The following MAP3K4 variants were observed in gnomAD, a reference collection of about 807,000 sequenced individuals.
The protein encoded by MAP3K4 is MAP three kinase 1.
A neutral mutation model predicts 185.6 loss-of-function variants in MAP3K4; 67 were observed. The observed-to-expected ratio is 0.36, with a 90% CI of 0.30 to 0.44. The LOEUF (loss-of-function observed/expected upper bound fraction) is 0.44. Ranked by LOEUF, MAP3K4 falls within the 20% of genes least tolerant of loss-of-function variation. The pLI is 1.00. For missense variants in MAP3K4, 1,551 were observed against 1,995.1 expected, an observed-to-expected ratio of 0.78 and a Z score of 4.24; for synonymous variants, 702 against 710.4, an observed-to-expected ratio of 0.99 and a Z score of 0.19.
intron 6 of MAP3K4, 74 bp downstream of exon 6, chr6:161,081,112 C>T (rs1562526545): frequency 4.0e-6 from 6 of 1,484,716 alleles, no homozygotes; most frequent in East Asian, 2.3e-5. Context: ...CTGATTCTCT[C>T]CTATGTGTTT....
chr6:161,053,333 A>T lies in MAP3K4; in HGVS notation c.1707+3354A>T, dbSNP rs909993852. ...CACCTCCCACCAGGCCCCACCCCCA[A>T]CATTGGGGATTACTATTCAACATAG... On this transcript the variant is annotated intron_variant, in intron 3 of 26. Transcript: ENST00000392142. The surrounding 1 kb of genome is among the most constrained non-coding windows in gnomAD (Gnocchi z 4.2). 1.3e-5 allele frequency among the ~76,000 whole-genome samples: 2 copies of T among 152,208 alleles called. No individual in the cohort carries two copies. Among genetic ancestry groups the T allele is most frequent in the Non-Finnish European group, 2.9e-5 (2 of 68,034 alleles).
chr6:161,027,259 CAA>C (rs1156872357), intron 1 of MAP3K4, among the ~76,000 whole-genome samples: 5 of 152,178 alleles, frequency 3.3e-5, no homozygotes, highest in African/African-American at 1.2e-4. Flanking sequence ...ATATACTTAA[CAA>C]GAGTTTCTGG....
chr6:161,072,414 A>T (rs1303530167), intron 4 of MAP3K4, among the ~76,000 whole-genome samples: 1 of 152,194 alleles, frequency 6.6e-6, no homozygotes, highest in Non-Finnish European at 1.5e-5. Context: ...CTTCCTACAC[A>T]TACAAGTAAG....
Position 161,093,901 on chromosome 6 carries a change from G to T in MAP3K4, c.3427+50G>T, listed in dbSNP as rs373350058. On this transcript the variant is annotated intron_variant, in intron 15 of 26. Coordinates refer to ENST00000392142, the MANE Select transcript of MAP3K4 (RefSeq NM_005922.4). This position sits in a 1 kb window ranked among gnomAD's most constrained non-coding sequence, Gnocchi z 5.2. ...CTTCTGGAACATAATGATTTGAGTG[G>T]ACAGATCCTCTTGTAATTGCAGTCG... 75 of 1,337,462 alleles carry T rather than the reference G, an allele frequency of 5.6e-5. No individual in the cohort carries two copies. Among genetic ancestry groups the T allele is most frequent in the Non-Finnish European group, 7.9e-5 (74 of 937,366 alleles). 82.8% of individuals were successfully genotyped at this position (1,337,462 alleles called of 1,614,324 possible).
chr6:161,012,325 A>G (rs949646884), intron 1 of MAP3K4, among the ~76,000 whole-genome samples: 1 of 152,040 alleles, frequency 6.6e-6, no homozygotes, highest in Non-Finnish European at 1.5e-5. Flanking sequence ...TTTCTTTTGG[A>G]ATCATTTCAA....
At position 161,100,293 on chromosome 6, in the gene MAP3K4, G is replaced by A. The variant is rs1252241563; in HGVS notation, c.3675-1599G>A. Among the ~76,000 whole-genome samples, 2 of 152,216 alleles carry A rather than the reference G, an allele frequency of 1.3e-5. No individual in the cohort carries two copies. Among genetic ancestry groups the A allele is most frequent in the African/African-American group, 4.8e-5 (2 of 41,454 alleles). On this transcript the variant is annotated intron_variant, in intron 17 of 26. Transcript: ENST00000392142. This position sits in a 1 kb window ranked among gnomAD's most constrained non-coding sequence, Gnocchi z 5.8. ...GGGTTTGTGAATGTGCCACGGGGAG[G>A]CAGAATGACACCAGTGTGTGCATCC...
intron 1 of MAP3K4, among the ~76,000 whole-genome samples, chr6:161,020,349 G>A (rs1333232836): frequency 6.6e-6 from 1 of 152,126 alleles, no homozygotes; most frequent in East Asian, 1.9e-4. Context: ...CTGCCCACAT[G>A]TGTGCACTTT....
chr6:161,013,189 C>T (rs1191159437), intron 1 of MAP3K4, among the ~76,000 whole-genome samples: 1 of 152,166 alleles, frequency 6.6e-6, no homozygotes, highest in African/African-American at 2.4e-5. Flanking sequence ...AAACTGTTTG[C>T]TAATTTCCTA....
chr6:161,005,017 C>T (rs956816742), intron 1 of MAP3K4, among the ~76,000 whole-genome samples: 6 of 152,172 alleles, frequency 3.9e-5, no homozygotes, highest in Admixed American at 3.9e-4. Context: ...TTATTTAAAA[C>T]CACCAAACTT....
intron 2 of MAP3K4, among the ~76,000 whole-genome samples, chr6:161,047,542 T>G (rs1006049010): frequency 1.3e-5 from 2 of 152,186 alleles, no homozygotes; most frequent in South Asian, 4.1e-4. Context: ...AAATAAACTA[T>G]GCCTTGAGTG....
In MAP3K4 at chr6:160,996,998, A is replaced by T. The variant is rs576288496; in HGVS notation, c.152+4915A>T. Reference sequence around the variant, plus strand: ...ACTCTTAGGTTTTTATTTTCTAGGCATCACACAGGCTGCTTTTTTCCCTTG... The same window carrying T: ...ACTCTTAGGTTTTTATTTTCTAGGCTTCACACAGGCTGCTTTTTTCCCTTG... On this transcript the variant is annotated intron_variant, in intron 1 of 26. Transcript: ENST00000392142. This position sits in a 1 kb window ranked among gnomAD's most constrained non-coding sequence, Gnocchi z 4.5. Among the ~76,000 whole-genome samples the T allele has an allele frequency of 1.3e-5, 2 of 152,188 alleles. No individual in the cohort carries two copies. Among genetic ancestry groups the T allele is most frequent in the African/African-American group, 4.8e-5 (2 of 41,444 alleles).
chr6:161,089,238 C>T (rs1785901250), intron 10 of MAP3K4, 84 bp from the exon 11 acceptor site: 20 of 1,428,278 alleles, frequency 1.4e-5, no homozygotes, highest in Non-Finnish European at 1.7e-5. Flanking sequence ...CTGAGATTGG[C>T]ATTGTTTTTG....
chr6:161,049,016 A>G lies in MAP3K4; in HGVS notation c.744A>G (p.Gly248=). 1 of 1,614,138 alleles carries G rather than the reference A, an allele frequency of 6.2e-7. No homozygotes were observed. The highest frequency in any genetic ancestry group is 8.5e-7 in the Non-Finnish European group (1 of 1,180,008). The change falls in exon 3 of 27, where the codon GGA becomes GGG. Residue 248 remains glycine (G), a synonymous_variant. Transcript: ENST00000392142. The surrounding 1 kb of genome is among the most constrained non-coding windows in gnomAD (Gnocchi z 8.4). ...VSKKKDREQR[G]QENTSGFWLN... is the part of the protein sequence containing the mutation. ...AGAAAAAAGACAGGGAGCAAAGAGG[A>G]CAAGAAAATACGTCTGGTTTCTGGC...
rs200069407 is a variant in MAP3K4, at chr6:161,048,585, A to G, written c.344-31A>G. 615 of 1,402,156 alleles carry G rather than the reference A, an allele frequency of 4.4e-4. 3 individuals carry two copies. In the African/African-American group the frequency reaches 7.7e-3, roughly 18 times the overall value. The allele number at this position is 1,402,156 out of a possible 1,614,324, so 86.9% of individuals were successfully genotyped here. ...GAGTAGCTTCATATTTTAGAGTTAT[A>G]TAATGTTCTGTTTATTTTTTTTTTT... On this transcript the variant is annotated intron_variant, in intron 2 of 26. Coordinates refer to ENST00000392142, the MANE Select transcript of MAP3K4 (RefSeq NM_005922.4). This position sits in a 1 kb window ranked among gnomAD's most constrained non-coding sequence, Gnocchi z 4.7.
At chr6:161,019,272 T>C (rs1782262989) in intron 1 of MAP3K4, among the ~76,000 whole-genome samples, 1 of 152,246 alleles carries the variant, frequency 6.6e-6, no homozygotes, top group South Asian at 2.1e-4. Flanking sequence ...CTATAGTTTT[T>C]ACCTTTGTTG....
At chr6:161,014,348 A>G (rs1446815228) in intron 1 of MAP3K4, among the ~76,000 whole-genome samples, 1 of 152,240 alleles carries the variant, frequency 6.6e-6, no homozygotes, top group Non-Finnish European at 1.5e-5. Context: ...AACCTGTCAT[A>G]AAATCCTTAT....
At chr6:161,092,594 GCA>G (rs1777374928) in intron 13 of MAP3K4, among the ~76,000 whole-genome samples, 1 of 151,186 alleles carries the variant, frequency 6.6e-6, no homozygotes, top group Admixed American at 6.6e-5. Flanking sequence ...ATAGCATGGG[GCA>G]CTTTCTTAAA....
chr6:161,049,087 A>T lies in MAP3K4; in HGVS notation c.815A>T (p.His272Leu), dbSNP rs1198309225. ...ELIWLELQAW[H>L]AGRTINDQDF... The stretch of plus-strand genomic sequence containing the variant: ...ATCTGGTTAGAGCTACAAGCCTGGC[A>T]TGCAGGACGGACAATTAACGACCAG... Residue 272 changes from histidine to leucine, a missense_variant, in exon 3 of 27, where the codon CAT (histidine) becomes CTT (leucine). By Grantham distance (99) the His-to-Leu change is moderately conservative. Around this residue, in one of 16 missense-constraint regions of MAP3K4, gnomAD observed 69 missense variants for 124.8 expected, o/e 0.55. Coordinates refer to ENST00000392142, the MANE Select transcript of MAP3K4 (RefSeq NM_005922.4). This position sits in a 1 kb window ranked among gnomAD's most constrained non-coding sequence, Gnocchi z 8.4. 2.5e-6 allele frequency: 4 copies of T among 1,614,214 alleles called. No individual in the cohort carries two copies. Among genetic ancestry groups the T allele is most frequent in the Non-Finnish European group, 3.4e-6 (4 of 1,180,028 alleles).
At position 161,073,653 on chromosome 6, in the gene MAP3K4, T is replaced by C. The variant is rs767845922; in HGVS notation, c.2097+41T>C. On this transcript the variant is annotated intron_variant, in intron 5 of 26. Coordinates refer to ENST00000392142, the MANE Select transcript of MAP3K4 (RefSeq NM_005922.4). The surrounding 1 kb of genome is among the most constrained non-coding windows in gnomAD (Gnocchi z 4.2). Reference sequence around the variant, plus strand: ...GAGGAATTTTTCTTTCTTTCTTTGTTTCTTTTTTTAAAAAAGTAAGCCTGT... The same window carrying C: ...GAGGAATTTTTCTTTCTTTCTTTGTCTCTTTTTTTAAAAAAGTAAGCCTGT... 1 of 1,585,902 alleles carries C rather than the reference T, an allele frequency of 6.3e-7. No homozygotes were observed. Among genetic ancestry groups the C allele is most frequent in the South Asian group, 1.1e-5 (1 of 87,206 alleles).
Sources: allele counts gnomAD v4.1 joint callset (sites outside exome capture counted in the v4.1 genomes callset), GRCh38; gene constraint gnomAD v4.1.1; regional missense constraint gnomAD v4.1.1; non-coding constraint Gnocchi (gnomAD v3.1); transcripts MANE v1.5; gene names NCBI Gene and HGNC (gene_info 2026-07-23, HGNC 2026-07-21).